GNAQ: variants seen among roughly 807,000 people sequenced by gnomAD.
GNAQ encodes the protein guanine nucleotide-binding protein G(q) subunit alpha.
In GNAQ, 8 loss-of-function variants were observed where a neutral mutation model predicts 43.9. The observed-to-expected ratio is 0.18, with a 90% confidence interval of 0.11 to 0.33. The LOEUF (loss-of-function observed/expected upper bound fraction) is 0.33, where lower values mean the gene tolerates loss of function less well. Among genes scored for constraint, GNAQ ranks in the 10% least tolerant of loss-of-function variants. GNAQ has a pLI of 1.00. For synonymous variants in GNAQ, 155 were observed against 170.7 expected, an observed-to-expected ratio of 0.91 and a Z score of 0.71; for missense variants, 158 against 450.8, an observed-to-expected ratio of 0.35 and a Z score of 5.88.
intron 5 of GNAQ, among the ~76,000 whole-genome samples, chr9:77,744,570 G>A (rs1162421002): frequency 6.6e-6 from 1 of 152,086 alleles, no homozygotes; most frequent in South Asian, 2.1e-4. Context: ...GAAGGTGAAA[G>A]GGAATTTCCA....
At chr9:78,014,823 C>T (rs770962522) in intron 1 of GNAQ, among the ~76,000 whole-genome samples, 9 of 152,176 alleles carry the variant, frequency 5.9e-5, no homozygotes, top group Non-Finnish European at 1.0e-4. Flanking sequence ...AGAGTACAGT[C>T]CTACACCACA....
intron 2 of GNAQ, among the ~76,000 whole-genome samples, chr9:77,888,883 G>C (rs1828353742): frequency 6.6e-6 from 1 of 152,086 alleles, no homozygotes; most frequent in East Asian, 1.9e-4. Flanking sequence ...TCAGAGTAGG[G>C]GAGAGGACAC....
At chr9:78,012,463 T>C (rs1164717146) in intron 1 of GNAQ, among the ~76,000 whole-genome samples, 1 of 151,972 alleles carries the variant, frequency 6.6e-6, no homozygotes, top group Non-Finnish European at 1.5e-5. Flanking sequence ...CGCCTTGGCC[T>C]CCCAAAGTGC....
chr9:77,823,911 T>C (rs1827152862), intron 2 of GNAQ, among the ~76,000 whole-genome samples: 1 of 152,190 alleles, frequency 6.6e-6, no homozygotes, highest in Non-Finnish European at 1.5e-5. Flanking sequence ...AGCAAATCTA[T>C]TTTATTACAT....
chr9:77,832,019 TCTGC>T (rs1393025884), intron 2 of GNAQ, among the ~76,000 whole-genome samples: 1 of 152,102 alleles, frequency 6.6e-6, no homozygotes, highest in Non-Finnish European at 1.5e-5. Context: ...CTGAGGTGCC[TCTGC>T]TCTGGGTAAC....
chr9:77,872,697 AACAAAG>A (rs1161255024), intron 2 of GNAQ, among the ~76,000 whole-genome samples: 2 of 152,214 alleles, frequency 1.3e-5, no homozygotes, highest in African/African-American at 4.8e-5. Flanking sequence ...AGCCCAGAGA[AACAAAG>A]ACAAAGTCCA....
intron 2 of GNAQ, among the ~76,000 whole-genome samples, chr9:77,857,556 G>GGGAA (rs754040412): frequency 4.5e-4 from 66 of 147,328 alleles, no homozygotes; most frequent in African/African-American, 1.2e-3. Context: ...GAGGGAGGGA[G>GGGAA]GGAAGGAAGG....
intron 2 of GNAQ, among the ~76,000 whole-genome samples, chr9:77,854,478 C>A (rs961244161): frequency 6.6e-6 from 1 of 152,186 alleles, no homozygotes; most frequent in African/African-American, 2.4e-5. Context: ...GATGCTCATG[C>A]TTGGGAAGTT....
intron 5 of GNAQ, among the ~76,000 whole-genome samples, chr9:77,769,079 C>T (rs534206957): frequency 1.3e-5 from 2 of 152,256 alleles, no homozygotes; most frequent in South Asian, 2.1e-4. Flanking sequence ...GAAGTAGCAC[C>T]TCATGTTAGA....
chr9:77,903,547 T>C (rs1828647324), intron 2 of GNAQ, among the ~76,000 whole-genome samples: 2 of 152,162 alleles, frequency 1.3e-5, no homozygotes, highest in Admixed American at 1.3e-4. Context: ...GATAATTCCC[T>C]TCCTTTCCCC....
intron 2 of GNAQ, among the ~76,000 whole-genome samples, chr9:77,831,911 A>C (rs1233087071): frequency 6.6e-6 from 1 of 152,138 alleles, no homozygotes; most frequent in African/African-American, 2.4e-5. Flanking sequence ...CATGTGACCT[A>C]AACTAGTTGT....
intron 2 of GNAQ, among the ~76,000 whole-genome samples, chr9:77,827,982 C>A (rs912319806): frequency 2.9e-5 from 4 of 139,872 alleles, no homozygotes; most frequent in African/African-American, 1.1e-4. Context: ...ATGGCGTGAA[C>A]CCGGGAGGCA....
In GNAQ at chr9:77,959,735, A is replaced by G. The variant is rs573072439; in HGVS notation, c.137-37390T>C. On this transcript the variant is annotated intron_variant, in intron 1 of 6. Coordinates refer to ENST00000286548, the MANE Select transcript of GNAQ (RefSeq NM_002072.5). ...CTTGCACAATATTTAATATTTTACC[A>G]ATACTCAAAGTATAAAAAAAATCAG... Among the ~76,000 whole-genome samples, 25 of 152,278 alleles carry G rather than the reference A, an allele frequency of 1.6e-4. No homozygotes were observed. In the East Asian group the frequency reaches 4.6e-3, roughly 28 times the overall value.
intron 1 of GNAQ, among the ~76,000 whole-genome samples, chr9:77,935,292 T>C (rs997845895): frequency 6.6e-5 from 10 of 152,102 alleles, no homozygotes; most frequent in African/African-American, 2.2e-4. Flanking sequence ...TCAAAAACCA[T>C]AGTACCTGCT....
chr9:77,805,770 T>C (rs529242175), intron 3 of GNAQ, among the ~76,000 whole-genome samples: 1 of 152,308 alleles, frequency 6.6e-6, no homozygotes, highest in South Asian at 2.1e-4. Context: ...AGGTGGGTTA[T>C]AATCCTACCA....
chr9:77,752,163 G>C (rs978999235), intron 5 of GNAQ, among the ~76,000 whole-genome samples: 2 of 152,200 alleles, frequency 1.3e-5, no homozygotes, highest in African/African-American at 4.8e-5. Flanking sequence ...CAGTTGAATT[G>C]TCAAACAGAT....
chr9:77,936,343 A>G (rs1829231489), intron 1 of GNAQ, among the ~76,000 whole-genome samples: 2 of 152,214 alleles, frequency 1.3e-5, no homozygotes, highest in Non-Finnish European at 2.9e-5. Flanking sequence ...TGTCTGAATT[A>G]TAGCAGTATA....
chr9:77,791,918 C>G (rs1826580368), intron 5 of GNAQ, among the ~76,000 whole-genome samples: 1 of 152,046 alleles, frequency 6.6e-6, no homozygotes. Flanking sequence ...TCAGTTTTGT[C>G]TCACCAAAAC....
At chr9:77,754,190 G>C (rs1413406596) in intron 5 of GNAQ, among the ~76,000 whole-genome samples, 2 of 152,170 alleles carry the variant, frequency 1.3e-5, no homozygotes, top group African/African-American at 4.8e-5. Context: ...TCCCAAGACA[G>C]GTTTGGTGCC....
Sources: gnomAD v4.1 joint callset for allele counts (sites outside exome capture counted in the v4.1 genomes callset) on GRCh38, gnomAD v4.1.1 for gene constraint, MANE v1.5 for transcripts, NCBI Gene and HGNC (gene_info 2026-07-23, HGNC 2026-07-21) for gene names.